Variants in CPS1 observed in about 807,000 individuals in gnomAD.
CPS1 encodes carbamoyl-phosphate synthase [ammonia], mitochondrial.
Under a neutral mutation model 174.6 loss-of-function variants are expected in CPS1, and 109 were observed. The observed-to-expected ratio is 0.62, with a 90% CI of 0.53 to 0.73. The LOEUF (loss-of-function observed/expected upper bound fraction) is 0.73. Ranked by LOEUF, CPS1 falls within the 30% of genes least tolerant of loss-of-function variation. CPS1 has a pLI of 0.00. For synonymous variants in CPS1, 637 were observed against 632.0 expected, an observed-to-expected ratio of 1.01 and a Z score of -0.12; for missense variants, 1,689 against 1,821.9, an observed-to-expected ratio of 0.93 and a Z score of 1.33.
At position 210,678,831 on chromosome 2, in the gene CPS1, C is replaced by A. The variant is rs1369799935; in HGVS notation, c.*846C>A. On this transcript the variant is annotated 3_prime_UTR_variant, in exon 38 of 38. Coordinates refer to ENST00000233072, the MANE Select transcript of CPS1 (RefSeq NM_001875.5). ...TTTTATCATTGGATTTTAACTTGGC[C>A]CGAGTGAAATAATCAGATTTTTGTC... The A allele has an allele frequency of 6.6e-6, 1 of 152,068 alleles. No individual in the cohort carries two copies. The highest frequency in any genetic ancestry group is 1.5e-5 in the Non-Finnish European group (1 of 68,022). 9.4% of individuals were successfully genotyped at this position (152,068 alleles called of 1,614,324 possible).
At chr2:210,531,052 A>G (rs1696102494) in intron 1 of CPS1, among the ~76,000 whole-genome samples, 1 of 151,850 alleles carries the variant, frequency 6.6e-6, no homozygotes, top group South Asian at 2.1e-4. Context: ...TGCCCTAAAA[A>G]CTCTTGCCAT....
chr2:210,580,782 AC>A (rs1304610163), intron 5 of CPS1, among the ~76,000 whole-genome samples: 5 of 150,524 alleles, frequency 3.3e-5, no homozygotes, highest in African/African-American at 7.3e-5. Flanking sequence ...AATCACTTGA[AC>A]CCGGGAGGCG....
At position 210,677,853 on chromosome 2, in the gene CPS1, TGGA is replaced by T. The variant is rs553243515; in HGVS notation, c.4405-31_4405-29del. The T allele has an allele frequency of 2.2e-5, 32 of 1,469,252 alleles. No homozygotes were observed. In the African/African-American group the frequency reaches 2.9e-4, roughly 13 times the overall value. The allele number at this position is 1,469,252 out of a possible 1,614,324, so 91.0% of individuals were successfully genotyped here. On this transcript the variant is annotated intron_variant, in intron 37 of 37. Coordinates refer to ENST00000233072, the MANE Select transcript of CPS1 (RefSeq NM_001875.5). ...TCATTAAAAATTCACTTTTATCTCA[TGGA>T]GGGTGCTGATTCCTACCATTATATT...
chr2:210,595,320 T>G (rs1461655499), intron 12 of CPS1, among the ~76,000 whole-genome samples, 167 bp from the exon 13 acceptor site: 1 of 151,832 alleles, frequency 6.6e-6, no homozygotes, highest in African/African-American at 2.4e-5. Context: ...ATCAGAGATG[T>G]TTTAAGTTAT....
intron 1 of CPS1, among the ~76,000 whole-genome samples, chr2:210,498,877 A>G (rs1221871151): frequency 2.6e-5 from 4 of 151,562 alleles, no homozygotes; most frequent in African/African-American, 4.8e-5. Flanking sequence ...GATAACAGGT[A>G]CTCTTACTGC....
chr2:210,656,910 C>T (rs1049081537), intron 30 of CPS1, among the ~76,000 whole-genome samples: 16 of 152,110 alleles, frequency 1.1e-4, no homozygotes, highest in African/African-American at 3.6e-4. Flanking sequence ...AAACACATTG[C>T]TGGACTCCAT....
chr2:210,617,087 A>G (rs1699336371), intron 21 of CPS1, among the ~76,000 whole-genome samples: 1 of 151,920 alleles, frequency 6.6e-6, no homozygotes, highest in Non-Finnish European at 1.5e-5. Flanking sequence ...CCTCTGACTA[A>G]TTTACATTTT....
At chr2:210,565,912 G>C (rs1697286398) in intron 1 of CPS1, among the ~76,000 whole-genome samples, 1 of 152,162 alleles carries the variant, frequency 6.6e-6, no homozygotes, top group Non-Finnish European at 1.5e-5. Context: ...TGGGGAGCAT[G>C]CTCTCTATTA....
chr2:210,563,698 A>G (rs2106051578), intron 1 of CPS1, among the ~76,000 whole-genome samples: 1 of 152,332 alleles, frequency 6.6e-6, no homozygotes, highest in Admixed American at 6.5e-5. Flanking sequence ...TAATAACATA[A>G]TACTGAATGC....
At chr2:210,482,413 C>T (rs561298211) in intron 1 of CPS1, among the ~76,000 whole-genome samples, 58 of 152,058 alleles carry the variant, frequency 3.8e-4, no homozygotes, top group African/African-American at 1.3e-3. Context: ...AGCAATTCTC[C>T]CACCGCAGCC....
At chr2:210,602,422 A>G in intron 16 of CPS1, 92 bp downstream of exon 16, 2 of 1,440,970 alleles carry the variant, frequency 1.4e-6, no homozygotes, top group Non-Finnish European at 1.9e-6. Flanking sequence ...ATGAGAAATT[A>G]CATTTTCTTT....
chr2:210,527,072 G>A (rs1695992540), intron 1 of CPS1, among the ~76,000 whole-genome samples: 1 of 151,738 alleles, frequency 6.6e-6, no homozygotes, highest in Non-Finnish European at 1.5e-5. Flanking sequence ...TTAAAATTAA[G>A]CCTTGATATT....
chr2:210,512,861 T>G (rs565015177), intron 1 of CPS1, among the ~76,000 whole-genome samples: 1,354 of 46,224 alleles, frequency 0.029, 246 homozygotes, highest in African/African-American at 0.11. Flanking sequence ...TATATATATA[T>G]AGATATATAT....
intron 14 of CPS1, 48 bp from the exon 15 acceptor site, chr2:210,600,507 C>T (rs1698682158): frequency 1.3e-6 from 2 of 1,586,566 alleles, no homozygotes; most frequent in Non-Finnish European, 1.7e-6. Context: ...TTAAAAAAGG[C>T]ACAAAATTCA....
chr2:210,507,181 G>A (rs752030417), intron 1 of CPS1, among the ~76,000 whole-genome samples: 5 of 152,276 alleles, frequency 3.3e-5, no homozygotes, highest in Admixed American at 6.5e-5. Flanking sequence ...TGGATCTCTC[G>A]GCAGAAACTC....
At chr2:210,602,086 C>G (rs1698745470) in intron 15 of CPS1, 116 bp from the exon 16 acceptor site, 5 of 1,228,742 alleles carry the variant, frequency 4.1e-6, no homozygotes, top group Admixed American at 2.0e-5. Context: ...TAGAACATTT[C>G]TAGATTCACT....
At chr2:210,603,912 A>G (rs995053412) in intron 16 of CPS1, among the ~76,000 whole-genome samples, 4 of 151,894 alleles carry the variant, frequency 2.6e-5, no homozygotes, top group African/African-American at 9.7e-5. Context: ...AAAATCGAAG[A>G]CTTCAAAAAA....
intron 4 of CPS1, among the ~76,000 whole-genome samples, chr2:210,579,399 A>G (rs1385855780): frequency 6.6e-6 from 1 of 152,172 alleles, no homozygotes; most frequent in Non-Finnish European, 1.5e-5. Flanking sequence ...ATTATTGCTT[A>G]TGAAGTTCAC....
intron 29 of CPS1, among the ~76,000 whole-genome samples, chr2:210,655,337 G>A (rs1255990114): frequency 6.6e-6 from 1 of 152,130 alleles, no homozygotes; most frequent in East Asian, 1.9e-4. Flanking sequence ...GCTTTATTTG[G>A]CTCTAGGTTT....
Sources: gnomAD v4.1 joint callset for allele counts (sites outside exome capture counted in the v4.1 genomes callset) on GRCh38, gnomAD v4.1.1 for gene constraint, MANE v1.5 for transcripts, NCBI Gene and HGNC (gene_info 2026-07-23, HGNC 2026-07-21) for gene names.